The following CHL1 variants were observed in gnomAD, a reference collection of about 807,000 sequenced individuals.
The protein encoded by CHL1 is neural cell adhesion molecule L1-like protein.
A neutral mutation model predicts 141.9 loss-of-function variants in CHL1; 96 were observed. The ratio of observed to expected loss-of-function variants is 0.68; its 90% CI spans 0.57 to 0.80. The LOEUF is 0.80. Among genes scored for constraint, CHL1 ranks in the 30% least tolerant of loss-of-function variants. CHL1 has a pLI of 0.00. For synonymous variants in CHL1, 613 were observed against 502.2 expected (o/e 1.22, Z -2.95); for missense variants, 1,820 against 1,457.2 (o/e 1.25, Z -4.05).
chr3:245,953 C>A (rs952653769), intron 2 of CHL1, among the ~76,000 whole-genome samples: 4 of 152,228 alleles, frequency 2.6e-5, no homozygotes, highest in Middle Eastern at 3.4e-3. Flanking sequence ...TACAGACTTT[C>A]TAACCACAGG....
chr3:325,926 A>T, intron 3 of CHL1, 33 bp from the exon 4 acceptor site: 1 of 1,429,884 alleles, frequency 7.0e-7, no homozygotes, highest in South Asian at 1.2e-5. Flanking sequence ...CTGTTTGAAT[A>T]GTGTGTTTTT....
At position 230,910 on chromosome 3, in the gene CHL1, T is replaced by A. The variant is rs1380944079; in HGVS notation, c.-174-13703T>A. Among the ~76,000 whole-genome samples the A allele has an allele frequency of 4.6e-5, 7 of 152,132 alleles. 1 individual carries two copies. The highest frequency in any genetic ancestry group is 8.8e-5 in the Non-Finnish European group (6 of 68,022). ...ATGATTTTTGAGACTGTTGTTATTG[T>A]GTTTGATAGATTGTGCTCATGAAGG... On this transcript the variant is annotated intron_variant, in intron 1 of 27. Coordinates refer to ENST00000256509, the MANE Select transcript of CHL1 (RefSeq NM_006614.4).
chr3:288,600 AG>A (rs1422945697), intron 2 of CHL1, among the ~76,000 whole-genome samples: 2 of 152,060 alleles, frequency 1.3e-5, no homozygotes, highest in Non-Finnish European at 2.9e-5. Flanking sequence ...TTGTCACAGG[AG>A]GGGGGCCATG....
intron 2 of CHL1, among the ~76,000 whole-genome samples, chr3:278,142 C>T (rs1297962810): frequency 6.6e-6 from 1 of 152,194 alleles, no homozygotes; most frequent in Non-Finnish European, 1.5e-5. Flanking sequence ...ATACTTTCTT[C>T]ATCCGCTCTA....
At chr3:304,602 T>C (rs944175083) in intron 2 of CHL1, among the ~76,000 whole-genome samples, 1 of 152,176 alleles carries the variant, frequency 6.6e-6, no homozygotes, top group African/African-American at 2.4e-5. Flanking sequence ...TTTATCATTT[T>C]TTACTGCATC....
rs546024431 is a variant in CHL1 at position 342,228 on chromosome 3, G to GAC, written c.679+148_679+149dup. On this transcript the variant is annotated intron_variant, in intron 7 of 27. Transcript: ENST00000256509. Reference sequence around the variant, plus strand: ...CTGGAGACTTCTTCCAGATGAAATAGACATCTGCAGCTGCAGATTCACGGT... The same window carrying GAC: ...CTGGAGACTTCTTCCAGATGAAATAGACACATCTGCAGCTGCAGATTCACGGT... 1.2e-5 allele frequency: 7 copies of GAC among 598,166 alleles called. No homozygotes were observed. In the East Asian group the frequency reaches 2.0e-4, roughly 17 times the overall value. 37.1% of individuals were successfully genotyped at this position (598,166 alleles called of 1,614,324 possible). A position where few individuals can be genotyped will look rare whatever the true frequency, so the allele number is the denominator to read the frequency against.
chr3:212,324 G>A (rs1699966031), intron 1 of CHL1, among the ~76,000 whole-genome samples: 1 of 152,080 alleles, frequency 6.6e-6, no homozygotes, highest in Non-Finnish European at 1.5e-5. Context: ...CTGTTCACCA[G>A]TCTTGCTTTA....
chr3:208,798 T>G (rs188422814), intron 1 of CHL1, among the ~76,000 whole-genome samples: 1 of 152,174 alleles, frequency 6.6e-6, no homozygotes, highest in Non-Finnish European at 1.5e-5. Context: ...AAAATAAAAC[T>G]GGAGACCTTG....
intron 27 of CHL1, among the ~76,000 whole-genome samples, chr3:403,315 C>T (rs577613097): frequency 1.5e-4 from 23 of 152,238 alleles, no homozygotes; most frequent in Admixed American, 1.3e-3. Flanking sequence ...GAAGTGATAT[C>T]CCATCACTTT....
At chr3:265,520 A>C (rs994455189) in intron 2 of CHL1, among the ~76,000 whole-genome samples, 4 of 152,214 alleles carry the variant, frequency 2.6e-5, no homozygotes, top group Non-Finnish European at 5.9e-5. Flanking sequence ...CAAAAAATGC[A>C]CTAAATTTCT....
chr3:250,175 G>A (rs1240292191), intron 2 of CHL1, among the ~76,000 whole-genome samples: 1 of 151,924 alleles, frequency 6.6e-6, no homozygotes, highest in African/African-American at 2.4e-5. Flanking sequence ...ATGTTGCCCA[G>A]GCTGGTCTTG....
rs949665770 is a variant in CHL1, at chr3:408,098, T to C, written c.*2387T>C. ...CAGAATAACCTTCAAATAAAATAAA[T>C]CTAAGTCGGTTAAAATGGATTTCAT... is the stretch of plus-strand genomic sequence containing the variant. On this transcript the variant is annotated 3_prime_UTR_variant, in exon 28 of 28. Coordinates refer to ENST00000256509, the MANE Select transcript of CHL1 (RefSeq NM_006614.4). 2 of 152,144 alleles carry C rather than the reference T, an allele frequency of 1.3e-5. No individual in the cohort carries two copies. The highest frequency in any genetic ancestry group is 4.8e-5 in the African/African-American group (2 of 41,448). The allele number at this position is 152,144 out of a possible 1,614,324, so 9.4% of individuals were successfully genotyped here.
chr3:294,657 T>C (rs2124838586), intron 2 of CHL1, among the ~76,000 whole-genome samples: 1 of 151,628 alleles, frequency 6.6e-6, no homozygotes, highest in Non-Finnish European at 1.5e-5. Context: ...TTTCCAAATA[T>C]AGAATTATTA....
rs1702841372 is a variant in CHL1 at position 347,217 on chromosome 3, CAAGATA to C, written c.849-2141_849-2136del. Reference sequence around the variant, plus strand: ...GTTTAAAGTAGGTATAATTCTTTCACAAGATACTACTTTATAAATAGAGAAATATGC... The same window carrying C: ...GTTTAAAGTAGGTATAATTCTTTCACCTACTTTATAAATAGAGAAATATGC... On this transcript the variant is annotated intron_variant, in intron 9 of 27. Transcript: ENST00000256509. Among the ~76,000 whole-genome samples the C allele has an allele frequency of 9.9e-5, 15 of 151,882 alleles. No homozygotes were observed. In the South Asian group the frequency reaches 2.1e-3, roughly 21 times the overall value.
At chr3:293,950 A>G (rs1697948806) in intron 2 of CHL1, among the ~76,000 whole-genome samples, 1 of 151,662 alleles carries the variant, frequency 6.6e-6, no homozygotes, top group Admixed American at 6.6e-5. Context: ...TTTTGTAGAG[A>G]CAGGCTTCAC....
intron 2 of CHL1, among the ~76,000 whole-genome samples, chr3:298,716 G>T (rs1349111215): frequency 6.6e-6 from 1 of 152,058 alleles, no homozygotes; most frequent in Non-Finnish European, 1.5e-5. Flanking sequence ...TCCAGGGAGT[G>T]GTCCCTTGGT....
chr3:347,048 T>C (rs1702828227), intron 9 of CHL1, among the ~76,000 whole-genome samples: 1 of 152,170 alleles, frequency 6.6e-6, no homozygotes, highest in African/African-American at 2.4e-5. Context: ...CAAATGTTTT[T>C]CATTTCCTTT....
chr3:277,976 T>C (rs1243862523), intron 2 of CHL1, among the ~76,000 whole-genome samples: 2 of 152,260 alleles, frequency 1.3e-5, no homozygotes, highest in African/African-American at 4.8e-5. Flanking sequence ...TAGGTATTTG[T>C]ATTTTATTTT....
chr3:330,539 G>C (rs995057686), intron 5 of CHL1, among the ~76,000 whole-genome samples: 5 of 151,984 alleles, frequency 3.3e-5, no homozygotes. Context: ...AATCTTTGTA[G>C]TGAAAGTATC....
Sources: allele counts gnomAD v4.1 joint callset (sites outside exome capture counted in the v4.1 genomes callset), GRCh38; gene constraint gnomAD v4.1.1; transcripts MANE v1.5; gene names NCBI Gene and HGNC (gene_info 2026-07-23, HGNC 2026-07-21).